Variants in ARFGEF1 observed in about 807,000 individuals in gnomAD.
ARFGEF1 encodes ARF guanine nucleotide exchange factor 1.
ARFGEF1 carries 42 observed loss-of-function variants against 231.0 expected under a neutral mutation model. The ratio of observed to expected loss-of-function variants is 0.18; its 90% CI spans 0.14 to 0.24. ARFGEF1 has a LOEUF of 0.24. Among genes scored for constraint, ARFGEF1 ranks in the 10% least tolerant of loss-of-function variants. The pLI is 1.00. For missense variants in ARFGEF1, 1,345 were observed against 2,192.0 expected (o/e 0.61, Z 7.72); for synonymous variants, 710 against 732.3 (o/e 0.97, Z 0.49).
Position 67,184,744 on chromosome 8 carries a change from T to TATAATAATAATAATA in ARFGEF1, c.561-9187_561-9173dup, listed in dbSNP as rs377423199. On this transcript the variant is annotated intron_variant, in intron 5 of 5. Transcript: ENST00000518789. ...GTCTAAAAAAATAATAATAAAAAAA[T>TATAATAATAATAATA]ATAATAATAATAATAATAATAATAA... 4.5e-3 allele frequency among the ~76,000 whole-genome samples: 645 copies of TATAATAATAATAATA among 142,506 alleles called. 4 individuals carry two copies. The highest frequency in any genetic ancestry group is 0.012 in the African/African-American group (451 of 38,074). 93.5% of individuals were successfully genotyped at this position (142,506 alleles called of 152,430 possible).
intron 1 of ARFGEF1, among the ~76,000 whole-genome samples, chr8:67,336,982 A>C (rs546476737): frequency 9.2e-5 from 14 of 151,814 alleles, no homozygotes; most frequent in East Asian, 1.9e-4. Flanking sequence ...TACAAAAAAA[A>C]TCAGCCGGGC....
intron 37 of ARFGEF1, 137 bp downstream of exon 37, chr8:67,201,329 AT>A: frequency 8.9e-7 from 1 of 1,120,058 alleles, no homozygotes; most frequent in Non-Finnish European, 1.2e-6. Flanking sequence ...ACTGAATTTA[AT>A]TTTTACAACT....
At chr8:67,252,821 C>G (rs1840339981) in intron 18 of ARFGEF1, among the ~76,000 whole-genome samples, 1 of 152,130 alleles carries the variant, frequency 6.6e-6, no homozygotes, top group African/African-American at 2.4e-5. Flanking sequence ...ACTCTATGAG[C>G]TCTCACCTGA....
chr8:67,331,857 G>C (rs1808115023), intron 1 of ARFGEF1, among the ~76,000 whole-genome samples: 2 of 152,116 alleles, frequency 1.3e-5, no homozygotes, highest in African/African-American at 4.8e-5. Context: ...ACCTAGCACA[G>C]GTATACTATG....
chr8:67,310,089 CCCCTCTCCCTCT>C (rs953592410), intron 1 of ARFGEF1, among the ~76,000 whole-genome samples: 9 of 152,000 alleles, frequency 5.9e-5, no homozygotes, highest in Non-Finnish European at 1.0e-4. Flanking sequence ...CAGAATCGCT[CCCCTCTCCCTCT>C]CCCTCTCCCT....
intron 7 of ARFGEF1, among the ~76,000 whole-genome samples, chr8:67,286,578 A>T (rs1805766899): frequency 6.6e-6 from 1 of 152,224 alleles, no homozygotes; most frequent in African/African-American, 2.4e-5. Context: ...ACATACAAAA[A>T]TAGGTAGCGG....
chr8:67,329,204 C>T (rs1807981794), intron 1 of ARFGEF1, among the ~76,000 whole-genome samples: 1 of 151,936 alleles, frequency 6.6e-6, no homozygotes, highest in African/African-American at 2.4e-5. Flanking sequence ...CCAGCCTGGG[C>T]ATCTTTAAAA....
chr8:67,198,751 C>T lies in ARFGEF1; in HGVS notation c.*183G>A. On this transcript the variant is annotated 3_prime_UTR_variant, in exon 39 of 39. Transcript: ENST00000262215. ...CTCAACATGAGGCCAATATAACACA[C>T]AAAATCCACCAGCACTAAAAGGGAC... 7.2e-7 allele frequency: 1 copy of T among 1,386,128 alleles called. No homozygotes were observed. Among genetic ancestry groups the T allele is most frequent in the Non-Finnish European group, 9.3e-7 (1 of 1,073,916 alleles). The allele number at this position is 1,386,128 out of a possible 1,614,324, so 85.9% of individuals were successfully genotyped here.
chr8:67,186,966 C>CCCCCAAGGAATACTGAGG (rs1834782219), intron 5 of ARFGEF1, among the ~76,000 whole-genome samples: 1 of 141,344 alleles, frequency 7.1e-6, no homozygotes, highest in Non-Finnish European at 1.5e-5. Context: ...ATAAATCTAT[C>CCCCCAAGGAATACTGAGG]TATCATCTAT....
chr8:67,289,697 A>G (rs966179668), intron 6 of ARFGEF1, among the ~76,000 whole-genome samples: 2 of 152,120 alleles, frequency 1.3e-5, no homozygotes, highest in African/African-American at 4.8e-5. Context: ...TGAATGCCAC[A>G]AGAGAAAACC....
intron 5 of ARFGEF1, among the ~76,000 whole-genome samples, chr8:67,293,056 T>C (rs760977238): frequency 2.2e-4 from 33 of 152,140 alleles, no homozygotes; most frequent in Non-Finnish European, 4.0e-4. Flanking sequence ...AAATTAAGGT[T>C]ACCAGTAGCT....
intron 20 of ARFGEF1, among the ~76,000 whole-genome samples, chr8:67,239,326 C>T (rs768349460): frequency 3.3e-5 from 5 of 152,016 alleles, no homozygotes; most frequent in Non-Finnish European, 7.4e-5. Context: ...TTTCTTTTGC[C>T]TATTAAACCT....
chr8:67,235,730 G>GAGTTCAA (rs1271103185), intron 22 of ARFGEF1, among the ~76,000 whole-genome samples: 11 of 152,018 alleles, frequency 7.2e-5, no homozygotes, highest in African/African-American at 2.7e-4. Context: ...TTGAGCCCAA[G>GAGTTCAA]AGTTCAAGAC....
At chr8:67,192,415 G>T (rs919927905) in intron 5 of ARFGEF1, among the ~76,000 whole-genome samples, 2 of 152,126 alleles carry the variant, frequency 1.3e-5, no homozygotes, top group Non-Finnish European at 2.9e-5. Context: ...TTATTGAGTT[G>T]TAAGAGTTCT....
intron 5 of ARFGEF1, among the ~76,000 whole-genome samples, chr8:67,189,378 A>G (rs1200278635): frequency 6.6e-6 from 1 of 152,230 alleles, no homozygotes; most frequent in African/African-American, 2.4e-5. Flanking sequence ...GTCTTTCAGT[A>G]GGTGAATGGA....
At chr8:67,272,964 G>A (rs1470306069) in intron 9 of ARFGEF1, among the ~76,000 whole-genome samples, 2 of 151,838 alleles carry the variant, frequency 1.3e-5, no homozygotes, top group Admixed American at 6.6e-5. Context: ...AAAATTATCC[G>A]AGTGTGGTGG....
Position 67,238,513 on chromosome 8 carries a change from A to G in ARFGEF1, c.3139-20T>C, listed in dbSNP as rs113064903. ...CAGAATCTTAATTACAAAAAGGAAAAAAATGTTAAATTCCATGTTAAAAAT... is the reference window on the plus strand; with the variant it reads ...CAGAATCTTAATTACAAAAAGGAAAGAAATGTTAAATTCCATGTTAAAAAT... On this transcript the variant is annotated intron_variant, in intron 21 of 38. Coordinates refer to ENST00000262215, the MANE Select transcript of ARFGEF1 (RefSeq NM_006421.5). 46 of 1,580,666 alleles carry G rather than the reference A, an allele frequency of 2.9e-5. 2 individuals carry two copies. Among genetic ancestry groups the G allele is most frequent in the African/African-American group, 2.6e-4 (19 of 72,912 alleles).
chr8:67,296,248 G>A (rs1385693003), intron 5 of ARFGEF1, among the ~76,000 whole-genome samples, 183 bp downstream of exon 5: 1 of 152,128 alleles, frequency 6.6e-6, no homozygotes, highest in Admixed American at 6.5e-5. Flanking sequence ...CCAAAGTTAA[G>A]TCGGTAAACC....
chr8:67,277,495 G>C (rs372930097), intron 7 of ARFGEF1, 38 bp from the exon 8 acceptor site: 1 of 1,568,822 alleles, frequency 6.4e-7, no homozygotes, highest in Non-Finnish European at 8.7e-7. Flanking sequence ...AAATATATCT[G>C]ACTTAACCGA....
Sources: gnomAD v4.1 joint callset for allele counts (sites outside exome capture counted in the v4.1 genomes callset) on GRCh38, gnomAD v4.1.1 for gene constraint, MANE v1.5 for transcripts, NCBI Gene and HGNC (gene_info 2026-07-23, HGNC 2026-07-21) for gene names.